SFMBT2: variants seen among roughly 807,000 people sequenced by gnomAD.
SFMBT2 encodes the protein scm-like with four MBT domains protein 2.
A neutral mutation model predicts 110.1 loss-of-function variants in SFMBT2; 38 were observed. The observed-to-expected ratio is 0.35, with a 90% CI of 0.27 to 0.45. SFMBT2 has a LOEUF of 0.45. SFMBT2 is among the 20% of genes least tolerant of loss of function. SFMBT2 has a pLI of 1.00. For synonymous variants in SFMBT2, 425 were observed against 425.4 expected (o/e 1.00, Z 0.01); for missense variants, 1,011 against 1,094.9 (o/e 0.92, Z 1.08).
chr10:7,315,083 A>AGAAAGAAAGAAAGAAG (rs1842966476), intron 4 of SFMBT2, among the ~76,000 whole-genome samples: 1 of 146,028 alleles, frequency 6.8e-6, no homozygotes, highest in African/African-American at 2.5e-5. Context: ...AAAGAAAGAA[A>AGAAAGAAAGAAAGAAG]GAAAGAAAGA....
At chr10:7,221,877 A>G in intron 10 of SFMBT2, among the ~76,000 whole-genome samples, 1 of 152,066 alleles carries the variant, frequency 6.6e-6, no homozygotes, top group East Asian at 1.9e-4. Context: ...AACACACAGA[A>G]CCATCCCTTC....
At chr10:7,346,300 T>C (rs1844106971) in intron 4 of SFMBT2, among the ~76,000 whole-genome samples, 1 of 152,230 alleles carries the variant, frequency 6.6e-6, no homozygotes, top group Non-Finnish European at 1.5e-5. Context: ...CCCGGTGTTC[T>C]AACATTTTAT....
intron 7 of SFMBT2, among the ~76,000 whole-genome samples, chr10:7,271,567 A>T (rs894992146): frequency 3.9e-5 from 6 of 152,216 alleles, no homozygotes; most frequent in Admixed American, 2.0e-4. Flanking sequence ...CATCTGGGCC[A>T]GGGTCAGGGG....
chr10:7,372,269 T>C (rs1845084215), intron 2 of SFMBT2, among the ~76,000 whole-genome samples: 1 of 152,156 alleles, frequency 6.6e-6, no homozygotes, highest in African/African-American at 2.4e-5. Context: ...TCTTAATACT[T>C]TGTGTACTCT....
chr10:7,197,579 C>A lies in SFMBT2; in HGVS notation c.1667G>T (p.Gly556Val). The A allele has an allele frequency of 6.2e-7, 1 of 1,614,178 alleles. No individual in the cohort carries two copies. The highest frequency in any genetic ancestry group is 1.1e-5 in the South Asian group (1 of 91,078). ...AAGAACCAGCACGCATTTGCCCGGTCCCACCGACTGAGGTAGCTCTGCAAT... is the reference window on the plus strand; with the variant it reads ...AAGAACCAGCACGCATTTGCCCGGTACCACCGACTGAGGTAGCTCTGCAAT... ...GRIAELPQSV[G>V]PGKCVLVLKE... The change falls in exon 15 of 21, where the codon GGA becomes GTA. Residue 556 changes from glycine to valine, a missense_variant. Around this residue, in one of 2 missense-constraint regions of SFMBT2, gnomAD observed 979 missense variants for 1,016.1 expected, o/e 0.96. Coordinates refer to ENST00000397167, the MANE Select transcript of SFMBT2 (RefSeq NM_001387889.1).
chr10:7,220,207 T>C (rs1199917425), intron 11 of SFMBT2, among the ~76,000 whole-genome samples: 1 of 152,234 alleles, frequency 6.6e-6, no homozygotes, highest in East Asian at 1.9e-4. Context: ...TCTCATTGCA[T>C]GAAATTATTA....
chr10:7,287,793 A>G (rs370443116), intron 4 of SFMBT2, among the ~76,000 whole-genome samples: 18 of 152,348 alleles, frequency 1.2e-4, no homozygotes, highest in African/African-American at 3.8e-4. Flanking sequence ...GAAGTTGGCC[A>G]TAAGGGTGTG....
chr10:7,357,330 CATTT>C (rs1844553046), intron 4 of SFMBT2, among the ~76,000 whole-genome samples: 1 of 152,162 alleles, frequency 6.6e-6, no homozygotes, highest in Non-Finnish European at 1.5e-5. Context: ...ATGCGACTAA[CATTT>C]AAATAAGTAC....
intron 7 of SFMBT2, among the ~76,000 whole-genome samples, chr10:7,272,316 CA>C (rs1254937028): frequency 7.9e-5 from 12 of 152,092 alleles, no homozygotes; most frequent in Admixed American, 7.9e-4. Context: ...GGTAAGGAGG[CA>C]AAAAAGCTGA....
rs181322902 is a variant in SFMBT2, at chr10:7,252,667, C to A, written c.871-4018G>T. 1.5e-4 allele frequency among the ~76,000 whole-genome samples: 23 copies of A among 152,156 alleles called. No homozygotes were observed. The East Asian group carries it at 4.3e-3, about 28-fold the overall frequency. ...AGAATAATGCTCAGTGAGCATTATT[C>A]CAAAAATTTTAGAAACTAGTTTCCC... On this transcript the variant is annotated intron_variant, in intron 7 of 20. Transcript: ENST00000397167.
chr10:7,371,646 A>G (rs971184392), intron 2 of SFMBT2, among the ~76,000 whole-genome samples: 4 of 152,258 alleles, frequency 2.6e-5, no homozygotes, highest in African/African-American at 9.6e-5. Context: ...CAAGGCCATG[A>G]TAAGAACATA....
chr10:7,163,622 C>A lies in SFMBT2; in HGVS notation c.*148G>T. 2.9e-6 allele frequency: 2 copies of A among 678,004 alleles called. No individual in the cohort carries two copies. The highest frequency in any genetic ancestry group is 1.9e-5 in the South Asian group (1 of 51,350). The allele number at this position is 678,004 out of a possible 1,614,324, so 42.0% of individuals were successfully genotyped here. A position where few individuals can be genotyped will look rare whatever the true frequency, so the allele number is the denominator to read the frequency against. On this transcript the variant is annotated 3_prime_UTR_variant, in exon 21 of 21. Coordinates refer to ENST00000397167, the MANE Select transcript of SFMBT2 (RefSeq NM_001387889.1). This position sits in a 1 kb window ranked among gnomAD's most constrained non-coding sequence, Gnocchi z 4.8. ...AACATGGAAACAGCTCACAGGCTGG[C>A]GGAGGCAGAAGATCCTGGGCTTCTG...
chr10:7,259,227 G>A (rs778667329), intron 7 of SFMBT2, among the ~76,000 whole-genome samples: 2 of 152,134 alleles, frequency 1.3e-5, no homozygotes, highest in Non-Finnish European at 2.9e-5. Context: ...AGACACCAAC[G>A]TGGAGGCCAG....
chr10:7,384,330 C>T (rs536047441), intron 1 of SFMBT2, among the ~76,000 whole-genome samples: 20 of 150,554 alleles, frequency 1.3e-4, no homozygotes, highest in African/African-American at 3.9e-4. Context: ...TCGGAGGAAG[C>T]GAGTGAGCAC....
chr10:7,289,629 G>A (rs1450186082), intron 4 of SFMBT2, among the ~76,000 whole-genome samples: 1 of 152,058 alleles, frequency 6.6e-6, no homozygotes, highest in Non-Finnish European at 1.5e-5. Flanking sequence ...GACCACTTTA[G>A]GTTAAAAAGT....
intron 15 of SFMBT2, among the ~76,000 whole-genome samples, chr10:7,196,562 C>T (rs1218700217): frequency 2.0e-5 from 3 of 152,246 alleles, no homozygotes; most frequent in African/African-American, 7.2e-5. Flanking sequence ...ATCTCCCTAA[C>T]AAGAGCAGGA....
chr10:7,281,373 C>T (rs1194873181), intron 6 of SFMBT2, among the ~76,000 whole-genome samples: 1 of 152,112 alleles, frequency 6.6e-6, no homozygotes. Flanking sequence ...GTATGCTCTT[C>T]TCCCCTGCAC....
At chr10:7,186,722 T>C (rs1231364415) in intron 16 of SFMBT2, among the ~76,000 whole-genome samples, 1 of 152,140 alleles carries the variant, frequency 6.6e-6, no homozygotes, top group East Asian at 1.9e-4. Flanking sequence ...TCTCCTCCCA[T>C]TTGCACCAAA....
chr10:7,181,393 T>C (rs1382556793), intron 16 of SFMBT2, among the ~76,000 whole-genome samples: 1 of 152,062 alleles, frequency 6.6e-6, no homozygotes, highest in African/African-American at 2.4e-5. Flanking sequence ...ACACTTCTGG[T>C]CCCAAGCAAT....
Sources: gnomAD v4.1 joint callset for allele counts (sites outside exome capture counted in the v4.1 genomes callset) on GRCh38, gnomAD v4.1.1 for gene constraint, gnomAD v4.1.1 regional missense constraint, Gnocchi (gnomAD v3.1) non-coding constraint, MANE v1.5 for transcripts, NCBI Gene and HGNC (gene_info 2026-07-23, HGNC 2026-07-21) for gene names.